Variants in KCNH8 observed in about 807,000 individuals in gnomAD.
KCNH8 encodes the protein voltage-gated delayed rectifier potassium channel KCNH8.
In KCNH8, 70 loss-of-function variants were observed where a neutral mutation model predicts 103.6. The observed-to-expected ratio is 0.68, with a 90% confidence interval of 0.56 to 0.82. The LOEUF is 0.82. KCNH8 is among the 40% of genes least tolerant of loss of function. The pLI, the probability that KCNH8 is intolerant of heterozygous loss-of-function variation, is 0.00. For synonymous variants in KCNH8, 498 were observed against 489.4 expected (o/e 1.02, Z -0.23); for missense variants, 1,217 against 1,329.9 (o/e 0.92, Z 1.32).
intron 1 of KCNH8, among the ~76,000 whole-genome samples, chr3:19,224,224 A>G (rs966318823): frequency 6.6e-6 from 1 of 152,182 alleles, no homozygotes; most frequent in Non-Finnish European, 1.5e-5. Context: ...AAATAAAGAC[A>G]AATTCTGACA....
At chr3:19,240,717 A>G (rs534248566) in intron 1 of KCNH8, among the ~76,000 whole-genome samples, 1 of 152,246 alleles carries the variant, frequency 6.6e-6, no homozygotes, top group African/African-American at 2.4e-5. Flanking sequence ...TATAAGACCA[A>G]ACTGTCAAAA....
intron 5 of KCNH8, among the ~76,000 whole-genome samples, chr3:19,356,607 C>G (rs187975992): frequency 6.6e-6 from 1 of 152,058 alleles, no homozygotes; most frequent in East Asian, 1.9e-4. Context: ...TTTAATTAAG[C>G]TGCTGATTCA....
At chr3:19,363,782 G>A (rs1032972938) in intron 5 of KCNH8, among the ~76,000 whole-genome samples, 15 of 152,036 alleles carry the variant, frequency 9.9e-5, no homozygotes, top group African/African-American at 3.4e-4. Context: ...CCCTGAAAGG[G>A]TATGGACTTT....
chr3:19,494,569 G>A (rs993961742), intron 11 of KCNH8, among the ~76,000 whole-genome samples: 1 of 152,088 alleles, frequency 6.6e-6, no homozygotes, highest in Non-Finnish European at 1.5e-5. Context: ...TTTATCAACA[G>A]CATGAAAATG....
At chr3:19,512,092 AAGAC>A (rs1384793817) in intron 12 of KCNH8, among the ~76,000 whole-genome samples, 4 of 152,344 alleles carry the variant, frequency 2.6e-5, no homozygotes, top group African/African-American at 9.6e-5. Context: ...ATTTTCAAAA[AAGAC>A]AGAAGCACAG....
intron 11 of KCNH8, among the ~76,000 whole-genome samples, chr3:19,501,988 G>A (rs967692857): frequency 6.6e-6 from 1 of 151,992 alleles, no homozygotes; most frequent in Non-Finnish European, 1.5e-5. Flanking sequence ...AATTGTCTCT[G>A]TTTGCAGATG....
In KCNH8 at chr3:19,160,911, C is replaced by A. The variant is rs139970196; in HGVS notation, c.76+12116C>A. On this transcript the variant is annotated intron_variant, in intron 1 of 15. Coordinates refer to ENST00000328405, the MANE Select transcript of KCNH8 (RefSeq NM_144633.3). ...ATTTTACTTAATAATGGCCCTAAAG[C>A]GCAAGAGTGGTGATGCTAGTGATTC... Among the ~76,000 whole-genome samples, 27 of 152,118 alleles carry A rather than the reference C, an allele frequency of 1.8e-4. No homozygotes were observed. In the East Asian group the frequency reaches 4.2e-3, roughly 24 times the overall value.
At chr3:19,154,076 A>G (rs1286852068) in intron 1 of KCNH8, among the ~76,000 whole-genome samples, 2 of 152,208 alleles carry the variant, frequency 1.3e-5, no homozygotes, top group South Asian at 4.1e-4. Flanking sequence ...TTAGAAAAAG[A>G]TAAGTGTAAT....
chr3:19,368,498 A>G (rs927448455), intron 5 of KCNH8, among the ~76,000 whole-genome samples: 1 of 152,046 alleles, frequency 6.6e-6, no homozygotes, highest in African/African-American at 2.4e-5. Flanking sequence ...GGTGGCAACA[A>G]GAAAGCAGCT....
intron 7 of KCNH8, among the ~76,000 whole-genome samples, chr3:19,419,197 T>TTTTTG (rs1559318848): frequency 6.8e-5 from 9 of 131,768 alleles, no homozygotes; most frequent in African/African-American, 2.5e-4. Context: ...TGGTTTTGGT[T>TTTTTG]TTTTTTTTTT....
intron 1 of KCNH8, among the ~76,000 whole-genome samples, chr3:19,162,438 T>A (rs964714988): frequency 6.7e-6 from 1 of 150,138 alleles, no homozygotes; most frequent in African/African-American, 2.5e-5. Flanking sequence ...TCCTGGGAGG[T>A]GGAGGTTGCA....
intron 1 of KCNH8, among the ~76,000 whole-genome samples, chr3:19,185,078 C>G (rs1229209883): frequency 6.6e-6 from 1 of 150,992 alleles, no homozygotes; most frequent in African/African-American, 2.5e-5. Flanking sequence ...ATTCATAATA[C>G]TGCTATGAAC....
chr3:19,509,533 GC>G (rs2068748678), intron 11 of KCNH8, among the ~76,000 whole-genome samples: 1 of 152,140 alleles, frequency 6.6e-6, no homozygotes, highest in Non-Finnish European at 1.5e-5. Flanking sequence ...CATGGTAGGT[GC>G]ATGTTTTTAA....
intron 5 of KCNH8, among the ~76,000 whole-genome samples, chr3:19,370,876 T>G (rs1012338999): frequency 6.6e-6 from 1 of 151,920 alleles, no homozygotes; most frequent in African/African-American, 2.4e-5. Context: ...TTTTTCTTCT[T>G]GAGATAGTTT....
Position 19,449,987 on chromosome 3 carries a change from C to T in KCNH8, c.1376-119C>T, listed in dbSNP as rs546105513. ...GCTTGTACCAAAATAGCTGTATCAA[C>T]ATGGCCATGTAACCATGCTCTGCTC... On this transcript the variant is annotated intron_variant, in intron 8 of 15. Coordinates refer to ENST00000328405, the MANE Select transcript of KCNH8 (RefSeq NM_144633.3). The T allele has an allele frequency of 7.8e-6, 6 of 770,084 alleles. No homozygotes were observed. In the South Asian group the frequency reaches 9.1e-5, roughly 12 times the overall value. 47.7% of individuals were successfully genotyped at this position (770,084 alleles called of 1,614,324 possible).
chr3:19,284,971 AG>A (rs1349514099), intron 3 of KCNH8, among the ~76,000 whole-genome samples: 1 of 151,830 alleles, frequency 6.6e-6, no homozygotes, highest in Non-Finnish European at 1.5e-5. Context: ...AAGCCAGGGT[AG>A]GCAAAGTCTT....
At chr3:19,258,084 C>T (rs535125466) in intron 2 of KCNH8, among the ~76,000 whole-genome samples, 20 of 152,092 alleles carry the variant, frequency 1.3e-4, no homozygotes, top group South Asian at 6.2e-4. Flanking sequence ...CTAATGACCT[C>T]CTTTTAACTT....
intron 13 of KCNH8, among the ~76,000 whole-genome samples, chr3:19,513,788 C>A (rs182890218): frequency 2.0e-5 from 3 of 152,008 alleles, no homozygotes; most frequent in African/African-American, 7.2e-5. Flanking sequence ...ACGGCTAAAA[C>A]TTAGTTTTAT....
At chr3:19,430,361 T>TTAC (rs2067101951) in intron 7 of KCNH8, among the ~76,000 whole-genome samples, 1 of 152,202 alleles carries the variant, frequency 6.6e-6, no homozygotes, top group Admixed American at 6.5e-5. Flanking sequence ...GCTCTTTTGG[T>TTAC]TACTGTAGCC....
Sources: gnomAD v4.1 joint callset for allele counts (sites outside exome capture counted in the v4.1 genomes callset) on GRCh38, gnomAD v4.1.1 for gene constraint, MANE v1.5 for transcripts, NCBI Gene and HGNC (gene_info 2026-07-23, HGNC 2026-07-21) for gene names.